RIMKLB: variants seen among roughly 807,000 people sequenced by gnomAD.
RIMKLB encodes the protein ribosomal modification protein rimK like family member B, also known as beta-citrylglutamate synthase B.
A neutral mutation model predicts 32.0 loss-of-function variants in RIMKLB; 7 were observed. The ratio of observed to expected loss-of-function variants is 0.22; its 90% confidence interval spans 0.12 to 0.41. RIMKLB has a LOEUF of 0.41. Ranked by LOEUF, RIMKLB falls within the 10% of genes least tolerant of loss-of-function variation. The pLI, the probability that RIMKLB is intolerant of heterozygous loss-of-function variation, is 1.00. For synonymous variants in RIMKLB, 172 were observed against 185.1 expected, an observed-to-expected ratio of 0.93 and a Z score of 0.57; for missense variants, 289 against 498.7, an observed-to-expected ratio of 0.58 and a Z score of 4.00.
At chr12:8,713,170 G>A (rs1432420303) in intron 1 of RIMKLB, among the ~76,000 whole-genome samples, 1 of 152,152 alleles carries the variant, frequency 6.6e-6, no homozygotes, top group Non-Finnish European at 1.5e-5. Flanking sequence ...GAAATTTAGT[G>A]AATAGACCTG....
chr12:8,728,352 T>C (rs905472267), intron 2 of RIMKLB, among the ~76,000 whole-genome samples: 1 of 152,192 alleles, frequency 6.6e-6, no homozygotes, highest in Non-Finnish European at 1.5e-5. Context: ...AATAGGCCTT[T>C]AGTGGTATAG....
chr12:8,764,196 G>A (rs1949763475), intron 5 of RIMKLB, among the ~76,000 whole-genome samples: 1 of 152,132 alleles, frequency 6.6e-6, no homozygotes, highest in African/African-American at 2.4e-5. Flanking sequence ...TCGGGTCTAA[G>A]GGGGTACTTC....
At chr12:8,770,236 TA>T (rs1280935228) in intron 5 of RIMKLB, among the ~76,000 whole-genome samples, 2 of 152,252 alleles carry the variant, frequency 1.3e-5, no homozygotes, top group Non-Finnish European at 2.9e-5. Flanking sequence ...GTGCTGGGAT[TA>T]CAGGCATGAG....
At chr12:8,700,578 C>T (rs1378385092) in intron 1 of RIMKLB, 1 of 152,170 alleles carries the variant, frequency 6.6e-6, no homozygotes, top group South Asian at 2.1e-4. Flanking sequence ...CCACGAACAA[C>T]ATGTGAAGAG....
At position 8,698,027 on chromosome 12, in the gene RIMKLB, G is replaced by C. The variant is rs1473378183; in HGVS notation, c.-327G>C. 5.4e-6 allele frequency: 1 copy of C among 183,976 alleles called. No individual in the cohort carries two copies. The highest frequency in any genetic ancestry group is 2.4e-5 in the African/African-American group (1 of 41,562). The allele number at this position is 183,976 out of a possible 1,614,324, so 11.4% of individuals were successfully genotyped here. On this transcript the variant is annotated 5_prime_UTR_variant, in exon 1 of 6. Transcript: ENST00000535829. ...GTGAGGGAACGAGGAGCGGCCGGGT[G>C]TGAGTGTGTGGGAGTGAGAGTGTGT...
At chr12:8,682,817 A>AAG (rs1555142726) in intron 1 of RIMKLB, among the ~76,000 whole-genome samples, 2 of 149,704 alleles carry the variant, frequency 1.3e-5, no homozygotes, top group Non-Finnish European at 3.0e-5. Flanking sequence ...AAAAAAAAAA[A>AAG]AAAGAAACGA....
chr12:8,675,769 G>A, the RIMKLB span, among the ~76,000 whole-genome samples: 1 of 151,486 alleles, frequency 6.6e-6, no homozygotes, highest in Non-Finnish European at 1.5e-5. Flanking sequence ...TTTTGGGAGA[G>A]TACATATAGT....
chr12:8,742,114 A>G (rs1330587933), intron 2 of RIMKLB, among the ~76,000 whole-genome samples: 1 of 151,514 alleles, frequency 6.6e-6, no homozygotes, highest in Non-Finnish European at 1.5e-5. Context: ...TGGCCAGGCT[A>G]GTCTCAAGCT....
At chr12:8,675,735 C>G in the RIMKLB span, among the ~76,000 whole-genome samples, 1 of 151,484 alleles carries the variant, frequency 6.6e-6, no homozygotes, top group African/African-American at 2.4e-5. Context: ...TTATAGCAAA[C>G]TGATTGGTTA....
At chr12:8,726,091 G>A (rs1440764059) in intron 2 of RIMKLB, among the ~76,000 whole-genome samples, 1 of 152,188 alleles carries the variant, frequency 6.6e-6, no homozygotes, top group Non-Finnish European at 1.5e-5. Flanking sequence ...CAAGTGATCT[G>A]CCCGCCTCAG....
chr12:8,679,331 C>T (rs151024539), upstream of RIMKLB, among the ~76,000 whole-genome samples: 2,185 of 152,178 alleles, frequency 0.014, 48 homozygotes, highest in African/African-American at 0.051. Flanking sequence ...TACAGGCACC[C>T]GCCACCACCA....
chr12:8,693,456 G>A (rs1188412177), upstream of RIMKLB, among the ~76,000 whole-genome samples: 2 of 150,880 alleles, frequency 1.3e-5, no homozygotes, highest in African/African-American at 2.4e-5. Context: ...GAGTGCAGTG[G>A]CACTATCTCA....
At chr12:8,707,457 C>T (rs1161880657) in intron 1 of RIMKLB, among the ~76,000 whole-genome samples, 4 of 152,212 alleles carry the variant, frequency 2.6e-5, no homozygotes, top group South Asian at 2.1e-4. Context: ...TTCCTGGGTG[C>T]GTCACCCTCC....
intron 2 of RIMKLB, among the ~76,000 whole-genome samples, chr12:8,741,859 G>T (rs1440306754): frequency 6.6e-6 from 1 of 151,716 alleles, no homozygotes; most frequent in Non-Finnish European, 1.5e-5. Flanking sequence ...ATATACTCAT[G>T]TAACAAACCT....
At chr12:8,715,750 T>C (rs1026151412) in intron 2 of RIMKLB, among the ~76,000 whole-genome samples, 1 of 152,218 alleles carries the variant, frequency 6.6e-6, no homozygotes, top group African/African-American at 2.4e-5. Context: ...AAAGTCCTCA[T>C]ATATTCTAAA....
chr12:8,749,647 T>C (rs1948454335), intron 2 of RIMKLB, among the ~76,000 whole-genome samples: 1 of 152,260 alleles, frequency 6.6e-6, no homozygotes, highest in Non-Finnish European at 1.5e-5. Context: ...TTAATGGCTA[T>C]GTGGTAATTC....
chr12:8,684,825 G>A (rs889780558), intron 1 of RIMKLB, among the ~76,000 whole-genome samples: 24 of 152,250 alleles, frequency 1.6e-4, no homozygotes, highest in African/African-American at 5.1e-4. Flanking sequence ...GTTTCACCAC[G>A]TTGTCTAGGC....
At chr12:8,751,829 A>G in intron 3 of RIMKLB, 128 bp from the exon 4 acceptor site, 1 of 636,630 alleles carries the variant, frequency 1.6e-6, no homozygotes. Flanking sequence ...TTCTCCAAGA[A>G]AAAAAGTTAG....
intron 2 of RIMKLB, among the ~76,000 whole-genome samples, chr12:8,718,655 A>ATGTG (rs1369568205): frequency 3.2e-5 from 4 of 125,072 alleles, no homozygotes; most frequent in African/African-American, 1.3e-4. Context: ...CTCTCTCTCT[A>ATGTG]TATATATATA....
Sources: gnomAD v4.1 joint callset for allele counts (sites outside exome capture counted in the v4.1 genomes callset) on GRCh38, gnomAD v4.1.1 for gene constraint, MANE v1.5 for transcripts, NCBI Gene and HGNC (gene_info 2026-07-23, HGNC 2026-07-21) for gene names.